The following CUL4B variants were observed in gnomAD, a reference collection of about 807,000 sequenced individuals.
The protein encoded by CUL4B is cullin-4B.
A neutral mutation model predicts 69.2 loss-of-function variants in CUL4B; 1 was observed. The ratio of observed to expected loss-of-function variants is 0.01; its 90% CI spans 0.01 to 0.07. The LOEUF (loss-of-function observed/expected upper bound fraction) is 0.07. CUL4B is among the 10% of genes least tolerant of loss of function. The probability of loss-of-function intolerance (pLI) is 1.00; values close to 1 mark genes in which losing one functional copy is unlikely to be tolerated. For synonymous variants in CUL4B, 237 were observed against 223.2 expected (o/e 1.06, Z -0.55); for missense variants, 328 against 638.8 (o/e 0.51, Z 5.24).
At chrX:120,569,223 C>T (rs190965812), downstream of CUL4B, among the ~76,000 whole-genome samples, 40 of 111,628 alleles carry the variant, frequency 3.6e-4, no homozygotes, top group African/African-American at 1.2e-3. Flanking sequence ...GTGAAGGAAC[C>T]CTGCCGGCAG....
chrX:120,557,286 C>A (rs754893377), intron 2 of CUL4B, among the ~76,000 whole-genome samples: 7 of 111,373 alleles, frequency 6.3e-5, no homozygotes, highest in Non-Finnish European at 1.3e-4. Context: ...GTCAAATACA[C>A]AGTAGGGAAA....
At chrX:120,545,004 A>ATCAACTGG (rs1468208444) in intron 5 of CUL4B, among the ~76,000 whole-genome samples, 1 of 112,620 alleles carries the variant, frequency 8.9e-6, no homozygotes, top group Non-Finnish European at 1.9e-5. Flanking sequence ...TTGGTTATTT[A>ATCAACTGG]TCAACTGGTT....
downstream of CUL4B, chrX:120,571,061 G>A (rs1318472526): frequency 4.6e-5 from 5 of 109,248 alleles, no homozygotes; most frequent in Admixed American, 9.9e-5. Flanking sequence ...AATAATTAAT[G>A]TAAGATCTGG....
exon 3 of CUL4B, chrX:120,571,852 C>T (rs1925720332): frequency 1.8e-5 from 2 of 110,893 alleles, no homozygotes; most frequent in Non-Finnish European, 3.8e-5. Flanking sequence ...AAGGGAAGGC[C>T]AACTTTTTGT....
downstream of CUL4B, among the ~76,000 whole-genome samples, chrX:120,570,757 C>T (rs1412289241): frequency 2.7e-5 from 3 of 112,419 alleles, no homozygotes; most frequent in East Asian, 5.5e-4. Context: ...GAATAAATTA[C>T]AGCCATGTGC....
At chrX:120,538,595 G>T in intron 13 of CUL4B, 65 bp downstream of exon 13, 1 of 736,782 alleles carries the variant, frequency 1.4e-6, no homozygotes. Flanking sequence ...TCGATTGAAA[G>T]GGTAAAAAGC....
chrX:120,538,402 C>T, intron 13 of CUL4B, 193 bp from the exon 14 acceptor site: 1 of 406,771 alleles, frequency 2.5e-6, no homozygotes, highest in South Asian at 4.4e-5. Flanking sequence ...CTGTAGTAAC[C>T]TTATCTACTA....
At chrX:120,551,330 T>C (rs1183065827) in intron 2 of CUL4B, among the ~76,000 whole-genome samples, 1 of 110,303 alleles carries the variant, frequency 9.1e-6, no homozygotes. Context: ...CTCAAGTAGC[T>C]GGGATTACAA....
chrX:120,558,702 T>C (rs1337388455), intron 1 of CUL4B, among the ~76,000 whole-genome samples: 1 of 112,088 alleles, frequency 8.9e-6, no homozygotes, highest in Non-Finnish European at 1.9e-5. Context: ...ATTTTCAGAA[T>C]AGAAAGAAAC....
rs2147312821 is a variant in CUL4B, at chrX:120,524,470, A to G, written c.*2291T>C. The G allele has an allele frequency of 8.9e-6, 1 of 111,754 alleles. No individual in the cohort carries two copies. Among genetic ancestry groups the G allele is most frequent in the South Asian group, 3.7e-4 (1 of 2,682 alleles). 9.2% of individuals were successfully genotyped at this position (111,754 alleles called of 1,213,427 possible). The stretch of plus-strand genomic sequence containing the variant: ...CCATACTCTTATAGCATTACCACAA[A>G]ACCATTACAAAATTTTTAAAAAGTT... On this transcript the variant is annotated 3_prime_UTR_variant, in exon 20 of 20. Coordinates refer to ENST00000371322, the MANE Select transcript of CUL4B (RefSeq NM_001079872.2).
chrX:120,549,999 A>C (rs1221920860), intron 2 of CUL4B, among the ~76,000 whole-genome samples: 1 of 111,628 alleles, frequency 9.0e-6, no homozygotes, highest in Non-Finnish European at 1.9e-5. Flanking sequence ...TTCTCAAATA[A>C]AACAGTTCTC....
intron 15 of CUL4B, among the ~76,000 whole-genome samples, chrX:120,536,461 AT>A (rs758299358): frequency 8.9e-6 from 1 of 112,095 alleles, no homozygotes; most frequent in Non-Finnish European, 1.9e-5. Context: ...GTCAGGATAG[AT>A]TTAATCAAGG....
chrX:120,546,682 G>A, intron 3 of CUL4B, 66 bp from the exon 4 acceptor site: 1 of 788,744 alleles, frequency 1.3e-6, no homozygotes, highest in Non-Finnish European at 1.9e-6. Flanking sequence ...GTGACAGAGA[G>A]CATATTAGTC....
intron 8 of CUL4B, among the ~76,000 whole-genome samples, 182 bp downstream of exon 8, chrX:120,543,545 G>A (rs1948601308): frequency 9.3e-6 from 1 of 107,824 alleles, no homozygotes; most frequent in Admixed American, 1.0e-4. Context: ...CCTAATAATC[G>A]AATCCTTGGA....
At position 120,543,821 on chromosome X, in the gene CUL4B, GT is replaced by G; in HGVS notation, c.1174-13del. 1 of 1,120,571 alleles carries G rather than the reference GT, an allele frequency of 8.9e-7. No homozygotes were observed. The highest frequency in any genetic ancestry group is 1.2e-6 in the Non-Finnish European group (1 of 813,028). The allele number at this position is 1,120,571 out of a possible 1,213,427, so 92.3% of individuals were successfully genotyped here. ...AGATATTCAGGAACCTACAAAGATA[GT>G]TTTTTACATTATTGTTTTCCTCCCC... is the stretch of plus-strand genomic sequence containing the variant. On this transcript the variant is annotated splice_polypyrimidine_tract_variant and intron_variant, in intron 7 of 19. Coordinates refer to ENST00000371322, the MANE Select transcript of CUL4B (RefSeq NM_001079872.2).
At chrX:120,534,732 C>T (rs1282883481) in intron 16 of CUL4B, 146 bp from the exon 17 acceptor site, 3 of 475,844 alleles carry the variant, frequency 6.3e-6, no homozygotes, top group African/African-American at 2.4e-5. Flanking sequence ...CGTGGTAATA[C>T]AGTATTTCAG....
chrX:120,549,629 C>T (rs1282691975), intron 2 of CUL4B, among the ~76,000 whole-genome samples: 2 of 111,564 alleles, frequency 1.8e-5, no homozygotes, highest in Non-Finnish European at 3.8e-5. Flanking sequence ...CACCACACCT[C>T]ATCAGGAAAC....
At chrX:120,567,920 T>G (rs1156283343), downstream of CUL4B, among the ~76,000 whole-genome samples, 3 of 110,243 alleles carry the variant, frequency 2.7e-5, no homozygotes, top group Non-Finnish European at 5.7e-5. Context: ...ACCTCCAAGT[T>G]TGAGAAACCA....
intron 2 of CUL4B, among the ~76,000 whole-genome samples, chrX:120,556,281 CTA>C (rs966759912): frequency 9.0e-6 from 1 of 111,626 alleles, no homozygotes; most frequent in Admixed American, 9.5e-5. Flanking sequence ...GGCATTATTA[CTA>C]TGTGTTGTGC....
Sources: gnomAD v4.1 joint callset for allele counts (sites outside exome capture counted in the v4.1 genomes callset) on GRCh38, gnomAD v4.1.1 for gene constraint, MANE v1.5 for transcripts, NCBI Gene and HGNC (gene_info 2026-07-23, HGNC 2026-07-21) for gene names.